ZNF385D: variants seen among roughly 807,000 people sequenced by gnomAD.
ZNF385D encodes the protein zinc finger protein 659.
In ZNF385D, 15 loss-of-function variants were observed where a neutral mutation model predicts 35.8. The ratio of observed to expected loss-of-function variants is 0.42; its 90% CI spans 0.28 to 0.64. The LOEUF (loss-of-function observed/expected upper bound fraction) is 0.64. Ranked by LOEUF, ZNF385D falls within the 30% of genes least tolerant of loss-of-function variation. The pLI, the probability that ZNF385D is intolerant of heterozygous loss-of-function variation, is 0.23. For missense variants in ZNF385D, 474 were observed against 494.6 expected (o/e 0.96, Z 0.39); for synonymous variants, 212 against 186.8 (o/e 1.13, Z -1.10).
intron 2 of ZNF385D, among the ~76,000 whole-genome samples, chr3:22,369,583 C>T (rs1437559378): frequency 1.3e-5 from 2 of 152,092 alleles, no homozygotes; most frequent in East Asian, 3.9e-4. Flanking sequence ...TCGTTAATTT[C>T]CCCAAGATTT....
chr3:21,789,529 CAT>C (rs1485187921), intron 3 of ZNF385D, among the ~76,000 whole-genome samples: 2 of 152,116 alleles, frequency 1.3e-5, no homozygotes, highest in East Asian at 1.9e-4. Context: ...CACATATACA[CAT>C]GTGTAAGCAC....
At chr3:21,534,968 T>A (rs549718353) in intron 3 of ZNF385D, among the ~76,000 whole-genome samples, 1 of 152,148 alleles carries the variant, frequency 6.6e-6, no homozygotes, top group Non-Finnish European at 1.5e-5. Flanking sequence ...AGAAATACTA[T>A]AGTAAGTTTC....
chr3:21,728,557 G>C (rs1226556036), intron 1 of ZNF385D, among the ~76,000 whole-genome samples: 1 of 152,130 alleles, frequency 6.6e-6, no homozygotes, highest in Middle Eastern at 3.2e-3. Flanking sequence ...ATAAGCAATA[G>C]AAACCCTACA....
intron 3 of ZNF385D, among the ~76,000 whole-genome samples, chr3:21,906,549 A>G (rs1031787746): frequency 5.9e-5 from 9 of 152,066 alleles, no homozygotes; most frequent in Admixed American, 2.0e-4. Context: ...TCATCACTTA[A>G]TGATTTCATA....
intron 3 of ZNF385D, among the ~76,000 whole-genome samples, chr3:21,963,731 CTAA>C (rs1400212868): frequency 6.6e-6 from 1 of 151,960 alleles, no homozygotes; most frequent in African/African-American, 2.4e-5. Context: ...TTGTGATAAC[CTAA>C]TAATAACTTT....
At chr3:22,040,933 T>A (rs1452349721) in intron 3 of ZNF385D, among the ~76,000 whole-genome samples, 1 of 152,174 alleles carries the variant, frequency 6.6e-6, no homozygotes, top group African/African-American at 2.4e-5. Context: ...ATAATTTATA[T>A]ACCATACAAT....
At chr3:22,266,907 G>GAAAAC (rs911246111) in intron 2 of ZNF385D, among the ~76,000 whole-genome samples, 1 of 151,784 alleles carries the variant, frequency 6.6e-6, no homozygotes, top group African/African-American at 2.4e-5. Flanking sequence ...TAAAGCCAAG[G>GAAAAC]AAAACAAAAC....
At chr3:21,549,143 T>G (rs2062483670) in intron 3 of ZNF385D, among the ~76,000 whole-genome samples, 1 of 152,214 alleles carries the variant, frequency 6.6e-6, no homozygotes, top group Admixed American at 6.5e-5. Flanking sequence ...AAAATGAATA[T>G]TATTACTTTG....
chr3:22,000,527 C>T (rs1695773440), intron 3 of ZNF385D, among the ~76,000 whole-genome samples: 1 of 152,068 alleles, frequency 6.6e-6, no homozygotes, highest in African/African-American at 2.4e-5. Flanking sequence ...GGGCAACCAA[C>T]AGCCCTTGGG....
chr3:22,049,127 T>C (rs1385623883), intron 3 of ZNF385D, among the ~76,000 whole-genome samples: 4 of 151,712 alleles, frequency 2.6e-5, no homozygotes, highest in Admixed American at 1.3e-4. Flanking sequence ...TGAAACCCCA[T>C]CTCTACTAAA....
chr3:21,759,171 T>C (rs962333094), intron 3 of ZNF385D, among the ~76,000 whole-genome samples: 6 of 152,002 alleles, frequency 3.9e-5, no homozygotes, highest in Admixed American at 6.6e-5. Context: ...CTCTAGGACA[T>C]GTGTATAAGG....
At chr3:21,532,649 T>G (rs1028912652) in intron 3 of ZNF385D, among the ~76,000 whole-genome samples, 37 of 151,580 alleles carry the variant, frequency 2.4e-4, no homozygotes, top group African/African-American at 8.7e-4. Flanking sequence ...ATATTTCACT[T>G]GTCCATAATA....
chr3:21,715,571 T>G (rs937929540), intron 1 of ZNF385D, among the ~76,000 whole-genome samples: 1 of 151,962 alleles, frequency 6.6e-6, no homozygotes, highest in Non-Finnish European at 1.5e-5. Flanking sequence ...TGAGTTCACA[T>G]GCTTTTTTTA....
At chr3:21,707,933 G>A (rs1270480327) in intron 1 of ZNF385D, among the ~76,000 whole-genome samples, 2 of 152,198 alleles carry the variant, frequency 1.3e-5, no homozygotes, top group Non-Finnish European at 2.9e-5. Context: ...TAGTGGTGAT[G>A]CGGAAGGAGC....
chr3:22,111,832 A>G (rs1220026516), intron 3 of ZNF385D, among the ~76,000 whole-genome samples: 1 of 152,110 alleles, frequency 6.6e-6, no homozygotes, highest in African/African-American at 2.4e-5. Context: ...TCACTGTTCT[A>G]TTGGTTTTAT....
chr3:22,367,697 T>C (rs1048194037), intron 2 of ZNF385D, among the ~76,000 whole-genome samples: 4 of 152,176 alleles, frequency 2.6e-5, no homozygotes, highest in African/African-American at 9.7e-5. Flanking sequence ...TTCTTTCATT[T>C]CAGTTGAGGA....
intron 3 of ZNF385D, among the ~76,000 whole-genome samples, chr3:21,548,243 A>C (rs1196812333): frequency 2.0e-5 from 3 of 152,170 alleles, no homozygotes; most frequent in Admixed American, 6.5e-5. Flanking sequence ...ATATGCTGCA[A>C]CACCACCACA....
intron 1 of ZNF385D, among the ~76,000 whole-genome samples, chr3:21,667,559 G>T (rs921487748): frequency 6.6e-6 from 1 of 152,162 alleles, no homozygotes; most frequent in African/African-American, 2.4e-5. Context: ...TTCGGTAAGG[G>T]TTAACAACAT....
chr3:21,840,972 T>C (rs1026554801), intron 3 of ZNF385D, among the ~76,000 whole-genome samples: 1 of 152,028 alleles, frequency 6.6e-6, no homozygotes, highest in Non-Finnish European at 1.5e-5. Context: ...GTATCCAATC[T>C]GGGTTGGTCA....
Sources: gnomAD v4.1 joint callset for allele counts (sites outside exome capture counted in the v4.1 genomes callset) on GRCh38, gnomAD v4.1.1 for gene constraint, MANE v1.5 for transcripts, NCBI Gene and HGNC (gene_info 2026-07-23, HGNC 2026-07-21) for gene names.